TRIM44: variants seen among roughly 807,000 people sequenced by gnomAD.
The protein encoded by TRIM44 is tripartite motif containing 44.
A neutral mutation model predicts 37.4 loss-of-function variants in TRIM44; 13 were observed. That is an observed-to-expected ratio of 0.35 (90% CI 0.23 to 0.55). The LOEUF (loss-of-function observed/expected upper bound fraction) is 0.55, where lower values mean the gene tolerates loss of function less well. Among genes scored for constraint, TRIM44 ranks in the 20% least tolerant of loss-of-function variants. TRIM44 has a pLI of 0.89. For missense variants in TRIM44, 426 were observed against 437.2 expected (o/e 0.97, Z 0.23); for synonymous variants, 175 against 157.2 (o/e 1.11, Z -0.85).
chr11:35,689,420 TAACA>T (rs888480674), intron 2 of TRIM44, among the ~76,000 whole-genome samples: 1 of 152,246 alleles, frequency 6.6e-6, no homozygotes, highest in Non-Finnish European at 1.5e-5. Context: ...TTACTTTTAA[TAACA>T]AACAATCTTT....
rs563523240 is a variant in TRIM44 at position 35,806,488 on chromosome 11, C to T, written c.*103C>T. 1.3e-4 allele frequency: 164 copies of T among 1,275,832 alleles called. No homozygotes were observed. In the South Asian group the frequency reaches 1.3e-3, roughly 10 times the overall value. 79.0% of individuals were successfully genotyped at this position (1,275,832 alleles called of 1,614,324 possible). ...TCTGTGAAAGCTGCTCAGCAACAAA[C>T]GTACTTCCACCAGATGTGTCCCCAG... On this transcript the variant is annotated 3_prime_UTR_variant, in exon 5 of 5. Coordinates refer to ENST00000299413, the MANE Select transcript of TRIM44 (RefSeq NM_017583.6).
Position 35,779,873 on chromosome 11 carries a change from A to ATTT in TRIM44, c.1008-26470_1008-26468dup, listed in dbSNP as rs11440904. 1.2e-4 allele frequency among the ~76,000 whole-genome samples: 16 copies of ATTT among 136,516 alleles called. No homozygotes were observed. In the East Asian group the frequency reaches 2.3e-3, roughly 20 times the overall value. 89.6% of individuals were successfully genotyped at this position (136,516 alleles called of 152,430 possible). Reference sequence around the variant, plus strand: ...ATAGGGAGATCTTTCCCCTTTGCCTATTTTTTTTTTTTTTTTTACTTTGTC... The same window carrying ATTT: ...ATAGGGAGATCTTTCCCCTTTGCCTATTTTTTTTTTTTTTTTTTTTACTTTGTC... On this transcript the variant is annotated intron_variant, in intron 4 of 4. Transcript: ENST00000299413.
intron 2 of TRIM44, among the ~76,000 whole-genome samples, chr11:35,714,269 C>T (rs1043182561): frequency 6.6e-6 from 1 of 151,948 alleles, no homozygotes; most frequent in South Asian, 2.1e-4. Flanking sequence ...TCTGTGTGCC[C>T]GGAGAGCCCT....
chr11:35,675,092 T>C (rs1363287081), intron 1 of TRIM44, among the ~76,000 whole-genome samples: 1 of 152,244 alleles, frequency 6.6e-6, no homozygotes, highest in African/African-American at 2.4e-5. Context: ...TGGTGGGTTA[T>C]AAATTCTTTA....
intron 4 of TRIM44, among the ~76,000 whole-genome samples, chr11:35,774,137 T>A (rs1852916460): frequency 1.3e-5 from 2 of 152,210 alleles, no homozygotes; most frequent in African/African-American, 4.8e-5. Context: ...GCACGTGTTG[T>A]TTCCTGACTT....
intron 4 of TRIM44, among the ~76,000 whole-genome samples, chr11:35,750,549 A>G (rs1004499841): frequency 1.3e-5 from 2 of 152,202 alleles, no homozygotes; most frequent in African/African-American, 4.8e-5. Flanking sequence ...ATAATGAAAT[A>G]TGTTTAGTTT....
At chr11:35,767,270 G>GT (rs1852810397) in intron 4 of TRIM44, among the ~76,000 whole-genome samples, 1 of 152,134 alleles carries the variant, frequency 6.6e-6, no homozygotes, top group Non-Finnish European at 1.5e-5. Context: ...TAGTTAGATG[G>GT]TGATGGTGAA....
chr11:35,765,846 C>T (rs563016309), intron 4 of TRIM44, among the ~76,000 whole-genome samples: 1 of 152,232 alleles, frequency 6.6e-6, no homozygotes, highest in East Asian at 1.9e-4. Context: ...TCTTTCAGTT[C>T]TTCTTTGGTA....
chr11:35,808,711 G>C lies in TRIM44; in HGVS notation c.*2326G>C, dbSNP rs1364332811. On this transcript the variant is annotated 3_prime_UTR_variant, in exon 5 of 5. Coordinates refer to ENST00000299413, the MANE Select transcript of TRIM44 (RefSeq NM_017583.6). ...GCTTTATAGACTCCTGCTGTCTTCA[G>C]TACCTGATAAAACTTTAACCAGGGA... 6.6e-6 allele frequency: 1 copy of C among 152,192 alleles called. No homozygotes were observed. Among genetic ancestry groups the C allele is most frequent in the Non-Finnish European group, 1.5e-5 (1 of 68,024 alleles). 9.4% of individuals were successfully genotyped at this position (152,192 alleles called of 1,614,324 possible).
intron 2 of TRIM44, among the ~76,000 whole-genome samples, chr11:35,714,621 G>T (rs1852016592): frequency 6.6e-6 from 1 of 152,152 alleles, no homozygotes; most frequent in Non-Finnish European, 1.5e-5. Context: ...CTGCTTGAGA[G>T]AACTGGAATG....
chr11:35,704,956 C>A (rs1208784808), intron 2 of TRIM44, among the ~76,000 whole-genome samples: 5 of 149,328 alleles, frequency 3.3e-5, no homozygotes, highest in Non-Finnish European at 7.4e-5. Flanking sequence ...AATTAAAAGA[C>A]ACAGACTGGC....
intron 4 of TRIM44, among the ~76,000 whole-genome samples, chr11:35,767,145 A>G (rs574411110): frequency 6.6e-6 from 1 of 152,252 alleles, no homozygotes; most frequent in South Asian, 2.1e-4. Flanking sequence ...CTCCTACATC[A>G]ATGTGTGTGT....
At chr11:35,723,879 T>C (rs1852137571) in intron 2 of TRIM44, among the ~76,000 whole-genome samples, 1 of 152,192 alleles carries the variant, frequency 6.6e-6, no homozygotes, top group South Asian at 2.1e-4. Context: ...ACTCAATTTA[T>C]TTCAGGAGTA....
intron 4 of TRIM44, among the ~76,000 whole-genome samples, chr11:35,774,932 G>A (rs1852933944): frequency 6.6e-6 from 1 of 152,162 alleles, no homozygotes; most frequent in South Asian, 2.1e-4. Context: ...TTTGGCTTAG[G>A]ATTGTCTTGG....
At chr11:35,759,598 T>A (rs1024684334) in intron 4 of TRIM44, among the ~76,000 whole-genome samples, 2 of 152,220 alleles carry the variant, frequency 1.3e-5, no homozygotes, top group African/African-American at 4.8e-5. Context: ...GTTTCCAGTT[T>A]TTCTGCTCTG....
chr11:35,672,783 T>G (rs544850375), intron 1 of TRIM44, among the ~76,000 whole-genome samples: 1 of 152,222 alleles, frequency 6.6e-6, no homozygotes, highest in African/African-American at 2.4e-5. Flanking sequence ...GAAGGCTTGC[T>G]GTAATGTATC....
intron 1 of TRIM44, among the ~76,000 whole-genome samples, chr11:35,679,174 T>G (rs1249231532): frequency 6.6e-6 from 1 of 152,188 alleles, no homozygotes; most frequent in Admixed American, 6.5e-5. Context: ...ACATTTTTGC[T>G]GACACGTGAC....
At position 35,792,072 on chromosome 11, in the gene TRIM44, T is replaced by TACACACACACACACACACAC. The variant is rs57127722; in HGVS notation, c.1008-14265_1008-14246dup. On this transcript the variant is annotated intron_variant, in intron 4 of 4. Coordinates refer to ENST00000299413, the MANE Select transcript of TRIM44 (RefSeq NM_017583.6). ...CCATCCCTTCCTGAGGAGTTGCCCC[T>TACACACACACACACACACAC]ACACACACACACACACACACACACA... Among the ~76,000 whole-genome samples the TACACACACACACACACACAC allele has an allele frequency of 6.4e-4, 87 of 136,790 alleles. 1 individual carries two copies. Among genetic ancestry groups the TACACACACACACACACACAC allele is most frequent in the African/African-American group, 2.0e-3 (71 of 34,816 alleles). The allele number at this position is 136,790 out of a possible 152,430, so 89.7% of individuals were successfully genotyped here.
chr11:35,691,011 C>G (rs1281015997), intron 2 of TRIM44, among the ~76,000 whole-genome samples: 1 of 152,214 alleles, frequency 6.6e-6, no homozygotes, highest in Non-Finnish European at 1.5e-5. Context: ...TTTAATCACA[C>G]TCTTCTTCTA....
Sources: allele counts gnomAD v4.1 joint callset (sites outside exome capture counted in the v4.1 genomes callset), GRCh38; gene constraint gnomAD v4.1.1; transcripts MANE v1.5; gene names NCBI Gene and HGNC (gene_info 2026-07-23, HGNC 2026-07-21).